The following MICAL3 variants were observed in gnomAD, a reference collection of about 807,000 sequenced individuals.
The protein encoded by MICAL3 is [F-actin]-monooxygenase MICAL3.
A neutral mutation model predicts 207.4 loss-of-function variants in MICAL3; 62 were observed. That is an observed-to-expected ratio of 0.30 (90% CI 0.24 to 0.37). The LOEUF is 0.37. Ranked by LOEUF, MICAL3 falls within the 10% of genes least tolerant of loss-of-function variation. The pLI is 1.00. For missense variants in MICAL3, 2,368 were observed against 2,635.6 expected (o/e 0.90, Z 2.22); for synonymous variants, 1,077 against 1,069.3 (o/e 1.01, Z -0.14).
Position 17,850,631 on chromosome 22 carries a change from C to T in MICAL3, c.2606-8614G>A, listed in dbSNP as rs369459431. ...TTTACCATGTTGGTCAGGATGGTCT[C>T]GATCTCCTGACCTCAGGTGATCTAT... is the stretch of plus-strand genomic sequence containing the variant. On this transcript the variant is annotated intron_variant, in intron 19 of 31. Transcript: ENST00000441493. 6.3e-4 allele frequency among the ~76,000 whole-genome samples: 95 copies of T among 151,976 alleles called. 1 individual carries two copies. The South Asian group carries it at 9.4e-3, about 15-fold the overall frequency.
chr22:17,936,867 T>C (rs908755696), intron 1 of MICAL3, among the ~76,000 whole-genome samples: 1 of 152,190 alleles, frequency 6.6e-6, no homozygotes, highest in East Asian at 1.9e-4. Flanking sequence ...AGCAGAGGTG[T>C]GCAGGACAAG....
chr22:17,916,171 T>G (rs542125824), intron 1 of MICAL3, among the ~76,000 whole-genome samples: 1 of 152,096 alleles, frequency 6.6e-6, no homozygotes, highest in African/African-American at 2.4e-5. Context: ...CTCGGCATTC[T>G]TCCGCAAGTT....
At chr22:17,955,626 A>G (rs1934573747) in intron 1 of MICAL3, among the ~76,000 whole-genome samples, 1 of 152,214 alleles carries the variant, frequency 6.6e-6, no homozygotes, top group Non-Finnish European at 1.5e-5. Flanking sequence ...CCAACATCCC[A>G]TAATATCCTC....
rs1931352669 is a variant in MICAL3 at position 17,901,946 on chromosome 22, G to A, written c.623C>T (p.Thr208Ile). 1 of 1,613,724 alleles carries A rather than the reference G, an allele frequency of 6.2e-7. No individual in the cohort carries two copies. The highest frequency in any genetic ancestry group is 8.5e-7 in the Non-Finnish European group (1 of 1,179,824). Residue 208 changes from threonine to isoleucine, a missense_variant, in exon 5 of 32, where the codon ACT becomes ATT. Thr to Ile is a moderately conservative substitution (Grantham distance 89, BLOSUM62 -1). Around this residue, in one of 4 missense-constraint regions of MICAL3, gnomAD observed 400 missense variants for 547.0 expected, o/e 0.73. Transcript: ENST00000441493. ...AAATTCATACTCTGACACAGGATGA[G>A]TCTTGGGGTGCACCAGTGCCCGCCA... ...IGWRALVHPKTHPVSEYEFEV... is the reference protein window; with the variant it reads ...IGWRALVHPKIHPVSEYEFEV...
rs375228312 is a variant in MICAL3, at chr22:17,832,007, G to T, written c.2902C>A (p.Arg968=). 101 of 1,605,268 alleles carry T rather than the reference G, an allele frequency of 6.3e-5. No homozygotes were observed. Among genetic ancestry groups the T allele is most frequent in the Non-Finnish European group, 8.4e-5 (99 of 1,176,266 alleles). Residue 968 remains arginine, a synonymous_variant, in exon 21 of 32, where the codon CGG becomes AGG. Coordinates refer to ENST00000441493, the MANE Select transcript of MICAL3 (RefSeq NM_015241.3). ...LGGVPWKEAV[R]IHALLKGKSE... ...TTCCCTTTCAGAAGGGCATGGATCC[G>T]CACGGCCTCCTTCCACGGAACACCA... is the stretch of plus-strand genomic sequence containing the variant.
At chr22:17,819,286 T>G (rs1322825397) in intron 25 of MICAL3, among the ~76,000 whole-genome samples, 157 bp from the exon 26 acceptor site, 1 of 152,216 alleles carries the variant, frequency 6.6e-6, no homozygotes, top group Non-Finnish European at 1.5e-5. Context: ...AGGAAAACCC[T>G]TTCCACTTTC....
At chr22:17,971,492 C>CA (rs1210237836) in intron 1 of MICAL3, among the ~76,000 whole-genome samples, 3 of 152,108 alleles carry the variant, frequency 2.0e-5, no homozygotes, top group Admixed American at 2.0e-4. Context: ...AACAAACAAA[C>CA]AAAAAACCTC....
At chr22:17,953,260 A>G (rs991219591) in intron 1 of MICAL3, among the ~76,000 whole-genome samples, 1 of 152,164 alleles carries the variant, frequency 6.6e-6, no homozygotes, top group Non-Finnish European at 1.5e-5. Flanking sequence ...GAAAAATAAT[A>G]AATTACCCCA....
chr22:17,898,930 C>G (rs1602176168), intron 7 of MICAL3, among the ~76,000 whole-genome samples: 1 of 152,138 alleles, frequency 6.6e-6, no homozygotes, highest in Non-Finnish European at 1.5e-5. Context: ...GGCAGTGACA[C>G]CAGAATCCTC....
intron 1 of MICAL3, among the ~76,000 whole-genome samples, chr22:17,978,521 T>C (rs946228562): frequency 6.6e-5 from 10 of 152,020 alleles, no homozygotes; most frequent in Non-Finnish European, 5.9e-5. Context: ...TGTACACTTT[T>C]TTTTTTTTTT....
Position 17,904,745 on chromosome 22 carries a change from G to T in MICAL3, c.359C>A (p.Ala120Asp), listed in dbSNP as rs764340842. 6.2e-7 allele frequency: 1 copy of T among 1,613,666 alleles called. No individual in the cohort carries two copies. The highest frequency in any genetic ancestry group is 8.5e-7 in the Non-Finnish European group (1 of 1,179,690). ...AKVVVIEKRD[A>D]FSRNNVLHLW... ...ATGCAAGACGTTGTTGCGGGAGAAG[G>T]CATCTCGTTTCTCAATAACAACCAC... The change falls in exon 3 of 32, where the codon GCC becomes GAC. Residue 120 changes from alanine to aspartate, a missense_variant. Physicochemically the swap from Ala to Asp is moderately radical, Grantham distance 126 (BLOSUM62 -2). Coordinates refer to ENST00000441493, the MANE Select transcript of MICAL3 (RefSeq NM_015241.3).
chr22:17,795,406 C>T (rs1448985649), intron 29 of MICAL3, among the ~76,000 whole-genome samples: 1 of 152,220 alleles, frequency 6.6e-6, no homozygotes, highest in Non-Finnish European at 1.5e-5. Context: ...TGGAGCGGAA[C>T]AGCGCCCATG....
At chr22:17,916,250 C>T (rs1156296306) in intron 1 of MICAL3, among the ~76,000 whole-genome samples, 3 of 151,962 alleles carry the variant, frequency 2.0e-5, no homozygotes, top group Non-Finnish European at 4.4e-5. Flanking sequence ...CGACATCTGC[C>T]GCATGTCTCG....
intron 1 of MICAL3, among the ~76,000 whole-genome samples, chr22:17,964,664 C>A (rs781264826): frequency 1.3e-5 from 2 of 152,236 alleles, no homozygotes; most frequent in African/African-American, 2.4e-5. Context: ...GTAGGGAAAT[C>A]TGGTCCACAA....
At chr22:17,910,640 C>T (rs1378962714) in intron 1 of MICAL3, among the ~76,000 whole-genome samples, 1 of 152,162 alleles carries the variant, frequency 6.6e-6, no homozygotes, top group Non-Finnish European at 1.5e-5. Flanking sequence ...TGGGCTGCCT[C>T]ACTTTTCCTG....
intron 20 of MICAL3, among the ~76,000 whole-genome samples, chr22:17,835,846 C>T (rs984101785): frequency 8.5e-5 from 13 of 152,184 alleles, no homozygotes; most frequent in African/African-American, 3.1e-4. Flanking sequence ...GGGCAGGTGC[C>T]GGGTCACCAC....
At chr22:18,017,733 C>A (rs1212998349) in intron 1 of MICAL3, among the ~76,000 whole-genome samples, 1 of 150,616 alleles carries the variant, frequency 6.6e-6, no homozygotes, top group Non-Finnish European at 1.5e-5. Context: ...TTACAGGTAC[C>A]CGCCACCACA....
intron 16 of MICAL3, chr22:17,876,487 G>C (rs1928357899): frequency 6.6e-6 from 1 of 152,372 alleles, no homozygotes; most frequent in Admixed American, 6.5e-5. Flanking sequence ...CCCTCTGCTT[G>C]AGACACTCAG....
chr22:17,998,662 G>A (rs1264378776), intron 1 of MICAL3, among the ~76,000 whole-genome samples: 1 of 151,618 alleles, frequency 6.6e-6, no homozygotes, highest in African/African-American at 2.4e-5. Flanking sequence ...TCCCGGTTAA[G>A]CAATTCTCCT....
Sources: allele counts gnomAD v4.1 joint callset (sites outside exome capture counted in the v4.1 genomes callset), GRCh38; gene constraint gnomAD v4.1.1; regional missense constraint gnomAD v4.1.1; transcripts MANE v1.5; gene names NCBI Gene and HGNC (gene_info 2026-07-23, HGNC 2026-07-21).